LINGO2: variants seen among roughly 807,000 people sequenced by gnomAD.
LINGO2 encodes leucine rich repeat and Ig domain containing 2, also known as leucine-rich repeat and immunoglobulin-like domain-containing nogo receptor-interacting protein 2.
Under a neutral mutation model 30.6 loss-of-function variants are expected in LINGO2, and 14 were observed. The observed-to-expected ratio is 0.46, with a 90% CI of 0.30 to 0.72. The LOEUF (loss-of-function observed/expected upper bound fraction) is 0.72. Ranked by LOEUF, LINGO2 falls within the 30% of genes least tolerant of loss-of-function variation. The probability of loss-of-function intolerance (pLI) is 0.07; values close to 1 mark genes in which losing one functional copy is unlikely to be tolerated. For synonymous variants in LINGO2, 317 were observed against 288.5 expected (o/e 1.10, Z -1.00); for missense variants, 729 against 751.7 (o/e 0.97, Z 0.35).
the LINGO2 span, among the ~76,000 whole-genome samples, chr9:28,997,597 G>A: frequency 6.6e-6 from 1 of 152,170 alleles, no homozygotes; most frequent in Non-Finnish European, 1.5e-5. Flanking sequence ...GCCAAGGCTG[G>A]CGGATCACGA....
chr9:27,982,970 C>A (rs1255637551), intron 5 of LINGO2, among the ~76,000 whole-genome samples: 1 of 151,754 alleles, frequency 6.6e-6, no homozygotes, highest in East Asian at 1.9e-4. Context: ...ACAATACGTA[C>A]TCTGTCTTTC....
the LINGO2 span, among the ~76,000 whole-genome samples, chr9:29,163,819 CAT>C: frequency 2.0e-5 from 3 of 152,092 alleles, no homozygotes; most frequent in Non-Finnish European, 4.4e-5. Flanking sequence ...AATAGTAAGT[CAT>C]AGTTTCCAAA....
chr9:28,217,826 G>T (rs986564464), intron 4 of LINGO2, among the ~76,000 whole-genome samples: 2 of 151,764 alleles, frequency 1.3e-5, no homozygotes, highest in African/African-American at 2.4e-5. Flanking sequence ...ATCAACAACC[G>T]CAAACATAAT....
chr9:28,524,892 C>T (rs1276155884), intron 1 of LINGO2, among the ~76,000 whole-genome samples: 2 of 151,982 alleles, frequency 1.3e-5, no homozygotes, highest in Non-Finnish European at 2.9e-5. Flanking sequence ...ATAGGTACTT[C>T]TCCAAAAATG....
At chr9:28,615,820 A>G (rs1479881622) in intron 1 of LINGO2, among the ~76,000 whole-genome samples, 2 of 152,172 alleles carry the variant, frequency 1.3e-5, no homozygotes, top group African/African-American at 4.8e-5. Flanking sequence ...CATTTTAATC[A>G]ATGGCTTAAG....
chr9:28,300,063 A>G (rs1326103398), intron 3 of LINGO2, among the ~76,000 whole-genome samples: 1 of 151,804 alleles, frequency 6.6e-6, no homozygotes, highest in Non-Finnish European at 1.5e-5. Flanking sequence ...TGAGATACAC[A>G]GTTTTAAATG....
chr9:28,067,560 C>G (rs1341335855), intron 4 of LINGO2, among the ~76,000 whole-genome samples: 1 of 152,052 alleles, frequency 6.6e-6, no homozygotes, highest in East Asian at 1.9e-4. Flanking sequence ...ATGTACTTTG[C>G]CTCTGGAAGA....
At chr9:28,561,569 T>A (rs1823059690) in intron 1 of LINGO2, among the ~76,000 whole-genome samples, 1 of 146,440 alleles carries the variant, frequency 6.8e-6, no homozygotes, top group Admixed American at 6.9e-5. Context: ...TAGATTTATA[T>A]ATAATATAAT....
the LINGO2 span, among the ~76,000 whole-genome samples, chr9:28,867,054 T>G: frequency 1.3e-5 from 2 of 152,098 alleles, no homozygotes; most frequent in Non-Finnish European, 2.9e-5. Context: ...ATCAGCTCTA[T>G]TTAAAATAAC....
At position 28,476,770 on chromosome 9, in the gene LINGO2, T is replaced by C. The variant is rs937930545; in HGVS notation, c.-364-745A>G. Among the ~76,000 whole-genome samples the C allele has an allele frequency of 3.3e-5, 5 of 152,296 alleles. No individual in the cohort carries two copies. The South Asian group carries it at 1.0e-3, about 32-fold the overall frequency. On this transcript the variant is annotated intron_variant, in intron 1 of 5. Transcript: ENST00000379992. ...GCTTTCAAAGGTTAAAATCTGACAA[T>C]GTGGTCAGCATGCAAGTCTAAGATT...
At chr9:28,749,168 T>C in the LINGO2 span, among the ~76,000 whole-genome samples, 1 of 152,044 alleles carries the variant, frequency 6.6e-6, no homozygotes. Flanking sequence ...GACACTCCTG[T>C]TGTCATGTTT....
At chr9:28,092,436 T>A (rs576626494) in intron 4 of LINGO2, among the ~76,000 whole-genome samples, 10 of 150,600 alleles carry the variant, frequency 6.6e-5, no homozygotes, top group African/African-American at 2.2e-4. Flanking sequence ...CTCAGCAAAC[T>A]GTCGCAAGGA....
intron 4 of LINGO2, among the ~76,000 whole-genome samples, chr9:28,081,545 G>A (rs932377878): frequency 6.6e-6 from 1 of 152,132 alleles, no homozygotes; most frequent in African/African-American, 2.4e-5. Flanking sequence ...ACAATTTATG[G>A]TCACTTTGAA....
the LINGO2 span, among the ~76,000 whole-genome samples, chr9:28,899,594 C>A: frequency 6.6e-6 from 1 of 152,194 alleles, no homozygotes; most frequent in Admixed American, 6.5e-5. Context: ...ACCCAGCTGC[C>A]ATGCCATGCC....
chr9:28,081,227 A>G (rs1825763111), intron 4 of LINGO2, among the ~76,000 whole-genome samples: 1 of 151,940 alleles, frequency 6.6e-6, no homozygotes, highest in Admixed American at 6.6e-5. Context: ...CTATCTCCAG[A>G]CATTGCCAAA....
the LINGO2 span, among the ~76,000 whole-genome samples, chr9:28,712,727 T>A: frequency 6.6e-6 from 1 of 151,860 alleles, no homozygotes; most frequent in Non-Finnish European, 1.5e-5. Context: ...TAAAAGATTC[T>A]AGAAGAAAGC....
chr9:28,680,012 T>C, the LINGO2 span, among the ~76,000 whole-genome samples: 2 of 152,008 alleles, frequency 1.3e-5, no homozygotes, highest in African/African-American at 4.8e-5. Context: ...GGATTATATC[T>C]GGAATTATAT....
At chr9:28,584,384 A>C (rs911780072) in intron 1 of LINGO2, among the ~76,000 whole-genome samples, 35 of 152,222 alleles carry the variant, frequency 2.3e-4, no homozygotes, top group Admixed American at 7.2e-4. Context: ...AATTCTAAAC[A>C]AAAATGCCCC....
At chr9:28,852,361 A>T in the LINGO2 span, among the ~76,000 whole-genome samples, 1,373 of 152,134 alleles carry the variant, frequency 9.0e-3, 22 homozygotes, top group African/African-American at 0.032. Flanking sequence ...GTGCATTTTC[A>T]CCTCAAAGTA....
Sources: allele counts gnomAD v4.1 joint callset (sites outside exome capture counted in the v4.1 genomes callset), GRCh38; gene constraint gnomAD v4.1.1; transcripts MANE v1.5; gene names NCBI Gene and HGNC (gene_info 2026-07-23, HGNC 2026-07-21).